Variants in AGBL4 observed in about 807,000 individuals in gnomAD.
The protein encoded by AGBL4 is cytosolic carboxypeptidase 6.
AGBL4 carries 58 observed loss-of-function variants against 66.4 expected under a neutral mutation model. The ratio of observed to expected loss-of-function variants is 0.87; its 90% CI spans 0.71 to 1.09. The LOEUF (loss-of-function observed/expected upper bound fraction) is 1.09, where lower values mean the gene tolerates loss of function less well. Ranked by LOEUF, AGBL4 falls within the 50% of genes least tolerant of loss-of-function variation. The pLI is 0.00. For missense variants in AGBL4, 579 were observed against 631.0 expected, an observed-to-expected ratio of 0.92 and a Z score of 0.88; for synonymous variants, 234 against 222.9, an observed-to-expected ratio of 1.05 and a Z score of -0.44.
At chr1:49,963,084 T>C (rs1020290923) in intron 1 of AGBL4, among the ~76,000 whole-genome samples, 2 of 152,152 alleles carry the variant, frequency 1.3e-5, no homozygotes, top group African/African-American at 4.8e-5. Context: ...AATATACATA[T>C]ATTTCCCAAA....
intron 3 of AGBL4, among the ~76,000 whole-genome samples, chr1:49,308,878 T>TA (rs1441010139): frequency 1.3e-5 from 2 of 152,150 alleles, no homozygotes; most frequent in South Asian, 2.1e-4. Context: ...GGCCATGTTT[T>TA]AAAAAACTTT....
At chr1:49,146,072 G>A (rs138161373) in intron 4 of AGBL4, among the ~76,000 whole-genome samples, 1 of 152,282 alleles carries the variant, frequency 6.6e-6, no homozygotes, top group African/African-American at 2.4e-5. Flanking sequence ...TTGAACTCAT[G>A]GAGATAGAGT....
chr1:49,463,483 G>T (rs1224788393), intron 3 of AGBL4, among the ~76,000 whole-genome samples: 1 of 151,716 alleles, frequency 6.6e-6, no homozygotes, highest in Non-Finnish European at 1.5e-5. Flanking sequence ...GCAGCTTACT[G>T]CCCATAAAGC....
At chr1:48,784,835 A>T (rs1645374153) in intron 6 of AGBL4, among the ~76,000 whole-genome samples, 1 of 152,274 alleles carries the variant, frequency 6.6e-6, no homozygotes, top group African/African-American at 2.4e-5. Flanking sequence ...CTGCATAAGC[A>T]ACAAAAAGTA....
At chr1:49,545,899 A>T (rs1652436047) in intron 3 of AGBL4, among the ~76,000 whole-genome samples, 1 of 152,130 alleles carries the variant, frequency 6.6e-6, no homozygotes, top group African/African-American at 2.4e-5. Context: ...ATTTTTCCAT[A>T]AGTTATGGGA....
intron 3 of AGBL4, among the ~76,000 whole-genome samples, chr1:49,300,062 T>C (rs553306287): frequency 1.1e-4 from 17 of 152,358 alleles, no homozygotes; most frequent in African/African-American, 3.8e-4. Context: ...GATATTGGCA[T>C]GCAACTTTCC....
intron 3 of AGBL4, among the ~76,000 whole-genome samples, chr1:49,427,492 G>C (rs1163299977): frequency 6.6e-6 from 1 of 152,006 alleles, no homozygotes; most frequent in African/African-American, 2.4e-5. Context: ...TCTTGGTCTC[G>C]CTGACTTCAA....
Position 49,451,099 on chromosome 1 carries a change from T to C in AGBL4, c.283-205235A>G, listed in dbSNP as rs1193781170. Among the ~76,000 whole-genome samples, 4 of 152,202 alleles carry C rather than the reference T, an allele frequency of 2.6e-5. No individual in the cohort carries two copies. In the East Asian group the frequency reaches 7.7e-4, roughly 29 times the overall value. On this transcript the variant is annotated intron_variant, in intron 3 of 13. Coordinates refer to ENST00000371839, the MANE Select transcript of AGBL4 (RefSeq NM_032785.4). The stretch of plus-strand genomic sequence containing the variant: ...AGCAGAATTTAGTTCCTTGTGCTTG[T>C]AGAATGGAAGTACACATTTCCTTAC...
rs1645100015 is a variant in AGBL4, at chr1:49,096,268, G to C, written c.378-50468C>G. Among the ~76,000 whole-genome samples, 9 of 152,204 alleles carry C rather than the reference G, an allele frequency of 5.9e-5. No homozygotes were observed. In the South Asian group the frequency reaches 1.2e-3, roughly 21 times the overall value. On this transcript the variant is annotated intron_variant, in intron 4 of 13. Transcript: ENST00000371839. ...ACTGTAAACTAGTTCAACCATTGTG[G>C]AAGTCAGTGTGGCGATTCCTCAGGG...
intron 3 of AGBL4, among the ~76,000 whole-genome samples, chr1:49,427,480 G>C (rs913703210): frequency 1.8e-4 from 28 of 152,214 alleles, no homozygotes; most frequent in African/African-American, 6.5e-4. Context: ...CTTCCGGTGG[G>C]TTCTTGGTCT....
At chr1:49,599,296 A>C (rs1644909252) in intron 3 of AGBL4, among the ~76,000 whole-genome samples, 1 of 152,162 alleles carries the variant, frequency 6.6e-6, no homozygotes, top group Admixed American at 6.5e-5. Flanking sequence ...TTATTGGTCT[A>C]TTCAGGGATT....
chr1:48,649,382 C>T (rs1164878365), intron 8 of AGBL4, among the ~76,000 whole-genome samples: 1 of 152,136 alleles, frequency 6.6e-6, no homozygotes, highest in Non-Finnish European at 1.5e-5. Context: ...TGTATAGTTG[C>T]TCTGTGCTTT....
chr1:49,180,292 C>T (rs1305226486), intron 4 of AGBL4, among the ~76,000 whole-genome samples: 1 of 152,168 alleles, frequency 6.6e-6, no homozygotes, highest in Non-Finnish European at 1.5e-5. Context: ...AATGATATAA[C>T]ACATATAAAG....
intron 9 of AGBL4, among the ~76,000 whole-genome samples, 186 bp from the exon 10 acceptor site, chr1:48,591,171 G>T (rs929360727): frequency 3.7e-4 from 55 of 149,680 alleles, no homozygotes; most frequent in Non-Finnish European, 1.6e-4. Context: ...TGAGGGGAGG[G>T]TTTAAGACAG....
At chr1:48,776,673 G>A in intron 6 of AGBL4, 2 of 1,502,356 alleles carry the variant, frequency 1.3e-6, no homozygotes, top group Non-Finnish European at 1.8e-6. Context: ...CGCGCGGGGG[G>A]CTCTCGGGCC....
chr1:49,000,649 C>T (rs918529141), intron 5 of AGBL4, among the ~76,000 whole-genome samples: 17 of 152,216 alleles, frequency 1.1e-4, no homozygotes, highest in African/African-American at 3.9e-4. Flanking sequence ...ATAGTGAAGA[C>T]CATTTCAACT....
chr1:49,652,557 G>C (rs1279174611), intron 3 of AGBL4, among the ~76,000 whole-genome samples: 3 of 152,154 alleles, frequency 2.0e-5, no homozygotes, highest in Non-Finnish European at 4.4e-5. Flanking sequence ...AGGCACAGCA[G>C]GCTGGAGACT....
At chr1:49,270,325 CTT>C (rs1209493308) in intron 3 of AGBL4, among the ~76,000 whole-genome samples, 1 of 152,164 alleles carries the variant, frequency 6.6e-6, no homozygotes, top group African/African-American at 2.4e-5. Context: ...AGCTCTCTCT[CTT>C]GGTTTCCACC....
chr1:49,826,600 G>A (rs1212593315), intron 2 of AGBL4, among the ~76,000 whole-genome samples: 2 of 152,206 alleles, frequency 1.3e-5, no homozygotes, highest in Non-Finnish European at 2.9e-5. Context: ...TATAGACAAA[G>A]AAGGCAGAAA....
Sources: allele counts gnomAD v4.1 joint callset (sites outside exome capture counted in the v4.1 genomes callset), GRCh38; gene constraint gnomAD v4.1.1; transcripts MANE v1.5; gene names NCBI Gene and HGNC (gene_info 2026-07-23, HGNC 2026-07-21).